Variants in FZD10 observed in about 807,000 individuals in gnomAD.
The protein encoded by FZD10 is frizzled-10.
In FZD10, 14 loss-of-function variants were observed where a neutral mutation model predicts 24.4. The ratio of observed to expected loss-of-function variants is 0.57; its 90% CI spans 0.38 to 0.90. The LOEUF (loss-of-function observed/expected upper bound fraction) is 0.90. Ranked by LOEUF, FZD10 falls within the 40% of genes least tolerant of loss-of-function variation. The probability of loss-of-function intolerance (pLI) is 0.00; values close to 1 mark genes in which losing one functional copy is unlikely to be tolerated. For missense variants in FZD10, 775 were observed against 816.6 expected, an observed-to-expected ratio of 0.95 and a Z score of 0.62; for synonymous variants, 381 against 349.1, an observed-to-expected ratio of 1.09 and a Z score of -1.02.
rs1871703306 is a variant in FZD10, at chr12:130,163,099, C to G, written c.157C>G (p.Pro53Ala). The G allele has an allele frequency of 6.2e-7, 1 of 1,612,782 alleles. No homozygotes were observed. The highest frequency in any genetic ancestry group is 1.7e-5 in the Admixed American group (1 of 59,998). ...KDIGYNMTRM[P>A]NLMGHENQRE... is the part of the protein sequence containing the mutation. ...CATCGGCTACAACATGACTCGTATG[C>G]CCAACCTGATGGGCCACGAGAACCA... is the stretch of plus-strand genomic sequence containing the variant. Residue 53 changes from proline (P) to alanine (A), a missense_variant, in exon 1 of 1, where the codon CCC (proline) becomes GCC (alanine). By Grantham distance (27) the Pro-to-Ala change is conservative. Transcript: ENST00000229030.
Position 130,163,245 on chromosome 12 carries a change from C to A in FZD10, c.303C>A (p.Thr101=), listed in dbSNP as rs758068557. The stretch of plus-strand genomic sequence containing the variant: ...CGATGTGCACCGAGCAGGTCTCTAC[C>A]CCCATCCCCGCCTGCCGGGTCATGT... ...YAPMCTEQVS[T]PIPACRVMCE... The change falls in exon 1 of 1, where the codon ACC becomes ACA. Residue 101 remains threonine (T), a synonymous_variant. Coordinates refer to ENST00000229030, the MANE Select transcript of FZD10 (RefSeq NM_007197.4). The A allele has an allele frequency of 2.5e-6, 4 of 1,613,060 alleles. No individual in the cohort carries two copies. Among genetic ancestry groups the A allele is most frequent in the Admixed American group, 3.3e-5 (2 of 60,036 alleles).
chr12:130,162,731 C>T lies in FZD10; in HGVS notation c.-212C>T. On this transcript the variant is annotated 5_prime_UTR_variant, in exon 1 of 1. Transcript: ENST00000229030. ...CTCGCTTCCCGGTATTGTTTGCAAA[C>T]TTTGCTGCTCTCCGCCGCGGCCCCC... The T allele has an allele frequency of 3.6e-6, 1 of 280,900 alleles. No individual in the cohort carries two copies. The highest frequency in any genetic ancestry group is 5.8e-5 in the East Asian group (1 of 17,106). 17.4% of individuals were successfully genotyped at this position (280,900 alleles called of 1,614,324 possible).
In FZD10 at chr12:130,164,124, C is replaced by T. The variant is rs1051664732; in HGVS notation, c.1182C>T (p.Leu394=). ...CYVGSMDVNA[L]TGFVLIPLAC... ...TGGGCAGCATGGACGTCAACGCGCTCACCGGCTTCGTGCTCATTCCCCTGG... is the reference window on the plus strand; with the variant it reads ...TGGGCAGCATGGACGTCAACGCGCTTACCGGCTTCGTGCTCATTCCCCTGG... Residue 394 remains leucine (L), a synonymous_variant, in exon 1 of 1, where the codon CTC becomes CTT. Transcript: ENST00000229030. This position sits in a 1 kb window ranked among gnomAD's most constrained non-coding sequence, Gnocchi z 5.3. 3.1e-6 allele frequency: 5 copies of T among 1,613,920 alleles called. No homozygotes were observed. Among genetic ancestry groups the T allele is most frequent in the Non-Finnish European group, 4.2e-6 (5 of 1,180,018 alleles).
Position 130,164,217 on chromosome 12 carries a change from G to A in FZD10, c.1275G>A (p.Arg425=), listed in dbSNP as rs761087108. The change falls in exon 1 of 1, where the codon AGG becomes AGA. Residue 425 remains arginine (R), a synonymous_variant. Coordinates refer to ENST00000229030, the MANE Select transcript of FZD10 (RefSeq NM_007197.4). This position sits in a 1 kb window ranked among gnomAD's most constrained non-coding sequence, Gnocchi z 5.3. ...SGFVALFHIR[R]VMKTGGENTD... is the part of the protein sequence containing the mutation. ...TCGTGGCCCTGTTCCACATCCGGAG[G>A]GTGATGAAGACGGGCGGCGAGAACA... 3.8e-5 allele frequency: 62 copies of A among 1,614,036 alleles called. No homozygotes were observed. Among genetic ancestry groups the A allele is most frequent in the Non-Finnish European group, 5.2e-5 (61 of 1,180,042 alleles).
rs1268212888 is a variant in FZD10 at position 130,165,636 on chromosome 12, G to C, written c.*948G>C. The C allele has an allele frequency of 6.0e-6, 1 of 167,050 alleles. No homozygotes were observed. The highest frequency in any genetic ancestry group is 1.5e-5 in the Non-Finnish European group (1 of 68,112). 10.3% of individuals were successfully genotyped at this position (167,050 alleles called of 1,614,324 possible). A position where few individuals can be genotyped will look rare whatever the true frequency, so the allele number is the denominator to read the frequency against. ...CTTTGTCTAGTGTATTCTCTTCACA[G>C]TGCCAGGAAAGAGTGGTTTCTGCGT... On this transcript the variant is annotated 3_prime_UTR_variant, in exon 1 of 1. Coordinates refer to ENST00000229030, the MANE Select transcript of FZD10 (RefSeq NM_007197.4).
In FZD10 at chr12:130,163,398, C is replaced by A. The variant is rs761203938; in HGVS notation, c.456C>A (p.Asn152Lys). The change falls in exon 1 of 1, where the codon AAC (asparagine) becomes AAA (lysine). Residue 152 changes from asparagine to lysine, a missense_variant. Transcript: ENST00000229030. ...DPNYLCMEAP[N>K]NGSDEPTRGS... ...ACTACCTGTGCATGGAGGCGCCCAA[C>A]AACGGCTCGGACGAGCCCACCCGGG... is the stretch of plus-strand genomic sequence containing the variant. 86 of 1,612,516 alleles carry A rather than the reference C, an allele frequency of 5.3e-5. No individual in the cohort carries two copies. The highest frequency in any genetic ancestry group is 6.7e-5 in the East Asian group (3 of 44,832).
rs749988455 is a variant in FZD10 at position 130,164,533 on chromosome 12, T to C, written c.1591T>C (p.Trp531Arg). The C allele has an allele frequency of 8.0e-5, 129 of 1,613,024 alleles. No individual in the cohort carries two copies. Among genetic ancestry groups the C allele is most frequent in the Non-Finnish European group, 1.1e-4 (126 of 1,180,006 alleles). ...TTGGACCTCCAAGACTCTGCAGTCC[T>C]GGCAGCAGGTGTGCAGCCGTAGGTT... ...WIWTSKTLQS[W>R]QQVCSRRLKK... Residue 531 changes from tryptophan to arginine, a missense_variant, in exon 1 of 1, where the codon TGG (tryptophan) becomes CGG (arginine). Coordinates refer to ENST00000229030, the MANE Select transcript of FZD10 (RefSeq NM_007197.4). This position sits in a 1 kb window ranked among gnomAD's most constrained non-coding sequence, Gnocchi z 5.3.
In FZD10 at chr12:130,163,208, C is replaced by G. The variant is rs768111324; in HGVS notation, c.266C>G (p.Ser89Trp). ...GGCCACCTCCGCTTCTTCCTGTGCT[C>G]GCTGTACGCGCCGATGTGCACCGAG... is the stretch of plus-strand genomic sequence containing the variant. The part of the protein sequence containing the change: ...CHGHLRFFLC[S>W]LYAPMCTEQV... The change falls in exon 1 of 1, where the codon TCG becomes TGG. Residue 89 changes from serine (S) to tryptophan (W), a missense_variant. Ser to Trp is a radical substitution (Grantham distance 177, BLOSUM62 -3). Transcript: ENST00000229030. The G allele has an allele frequency of 1.9e-6, 3 of 1,612,978 alleles. No individual in the cohort carries two copies. The highest frequency in any genetic ancestry group is 8.5e-7 in the Non-Finnish European group (1 of 1,179,964).
chr12:130,164,442 C>G lies in FZD10; in HGVS notation c.1500C>G (p.Ala500=). 6.2e-7 allele frequency: 1 copy of G among 1,613,832 alleles called. No individual in the cohort carries two copies. Among genetic ancestry groups the G allele is most frequent in the African/African-American group, 1.3e-5 (1 of 75,048 alleles). The change falls in exon 1 of 1, where the codon GCC becomes GCG. Residue 500 remains alanine, a synonymous_variant. Transcript: ENST00000229030. This position sits in a 1 kb window ranked among gnomAD's most constrained non-coding sequence, Gnocchi z 5.3. ...GCCTGATGGCCGCCTCCATCCCCGCCGTGGAGATCTTCATGGTGAAGATCT... is the reference window on the plus strand; with the variant it reads ...GCCTGATGGCCGCCTCCATCCCCGCGGTGGAGATCTTCATGGTGAAGATCT... ...LDCLMAASIP[A]VEIFMVKIFM... is the part of the protein sequence containing the mutation.
rs1359171312 is a variant in FZD10, at chr12:130,164,157, C to G, written c.1215C>G (p.Tyr405Ter). 6.2e-7 allele frequency: 1 copy of G among 1,613,978 alleles called. No individual in the cohort carries two copies. The highest frequency in any genetic ancestry group is 8.5e-7 in the Non-Finnish European group (1 of 1,180,046). ...TGFVLIPLAC[Y>*]LVIGTSFILS... The stretch of plus-strand genomic sequence containing the variant: ...TCGTGCTCATTCCCCTGGCCTGCTA[C>G]CTGGTCATCGGCACGTCCTTCATCC... The change falls in exon 1 of 1, where the codon TAC becomes TAG. Residue 405 changes from tyrosine to a stop codon, truncating the protein, a stop_gained. Transcript: ENST00000229030. LOFTEE classifies it high-confidence loss of function. The surrounding 1 kb of genome is among the most constrained non-coding windows in gnomAD (Gnocchi z 5.3).
Position 130,163,224 on chromosome 12 carries a change from G to A in FZD10, c.282G>A (p.Met94Ile). The stretch of plus-strand genomic sequence containing the variant: ...TCCTGTGCTCGCTGTACGCGCCGAT[G>A]TGCACCGAGCAGGTCTCTACCCCCA... ...RFFLCSLYAP[M>I]CTEQVSTPIP... The change falls in exon 1 of 1, where the codon ATG becomes ATA. Residue 94 changes from methionine (M) to isoleucine (I), a missense_variant. By Grantham distance (10) the Met-to-Ile change is conservative. Coordinates refer to ENST00000229030, the MANE Select transcript of FZD10 (RefSeq NM_007197.4). The A allele has an allele frequency of 6.2e-7, 1 of 1,613,004 alleles. No homozygotes were observed. The highest frequency in any genetic ancestry group is 8.5e-7 in the Non-Finnish European group (1 of 1,179,978).
Position 130,162,703 on chromosome 12 carries a change from T to G in FZD10, c.-240T>G, listed in dbSNP as rs1336497820. Reference sequence around the variant, plus strand: ...CGCTGCGCCGGGAGCTCCGGGGGCTTCCCTCGCTTCCCGGTATTGTTTGCA... The same window carrying G: ...CGCTGCGCCGGGAGCTCCGGGGGCTGCCCTCGCTTCCCGGTATTGTTTGCA... On this transcript the variant is annotated 5_prime_UTR_variant, in exon 1 of 1. Coordinates refer to ENST00000229030, the MANE Select transcript of FZD10 (RefSeq NM_007197.4). The G allele has an allele frequency of 4.1e-6, 1 of 243,918 alleles. No homozygotes were observed. Among genetic ancestry groups the G allele is most frequent in the Admixed American group, 5.6e-5 (1 of 17,936 alleles). 15.1% of individuals were successfully genotyped at this position (243,918 alleles called of 1,614,324 possible).
Position 130,163,472 on chromosome 12 carries a change from C to T in FZD10, c.530C>T (p.Ala177Val), listed in dbSNP as rs1201118563. The change falls in exon 1 of 1, where the codon GCG becomes GTG. Residue 177 changes from alanine (A) to valine (V), a missense_variant. By Grantham distance (64) the Ala-to-Val change is moderately conservative (BLOSUM62 0). Transcript: ENST00000229030. ...PLFRPQRPHS[A>V]QEHPLKDGGP... ...TTCCGGCCGCAGCGGCCCCACAGCG[C>T]GCAGGAGCACCCGCTGAAGGACGGG... The T allele has an allele frequency of 1.9e-6, 3 of 1,606,306 alleles. No homozygotes were observed. Among genetic ancestry groups the T allele is most frequent in the Non-Finnish European group, 2.6e-6 (3 of 1,176,246 alleles).
Position 130,162,896 on chromosome 12 carries a change from G to T in FZD10, c.-47G>T, listed in dbSNP as rs1455975206. 1.4e-5 allele frequency: 20 copies of T among 1,409,114 alleles called. No homozygotes were observed. Among genetic ancestry groups the T allele is most frequent in the Non-Finnish European group, 1.0e-5 (11 of 1,066,898 alleles). 87.3% of individuals were successfully genotyped at this position (1,409,114 alleles called of 1,614,324 possible). On this transcript the variant is annotated 5_prime_UTR_variant, in exon 1 of 1. Transcript: ENST00000229030. The stretch of plus-strand genomic sequence containing the variant: ...CAGCAGCCCGTGCCCGGGAGCGGCG[G>T]CGCTGAGGGGCGCGGAGCTCCCCGC...
At position 130,165,088 on chromosome 12, in the gene FZD10, CT is replaced by C. The variant is rs1330232435; in HGVS notation, c.*401del. 1 of 173,878 alleles carries C rather than the reference CT, an allele frequency of 5.8e-6. No individual in the cohort carries two copies. The highest frequency in any genetic ancestry group is 1.8e-4 in the East Asian group (1 of 5,408). The allele number at this position is 173,878 out of a possible 1,614,324, so 10.8% of individuals were successfully genotyped here. A position where few individuals can be genotyped will look rare whatever the true frequency, so the allele number is the denominator to read the frequency against. ...TGCTTTGCAAATTCAAGAGCCTCCC[CT>C]GGGTTAACAAATGAGCCATCCCCAG... is the stretch of plus-strand genomic sequence containing the variant. On this transcript the variant is annotated 3_prime_UTR_variant, in exon 1 of 1. Transcript: ENST00000229030.
Position 130,164,771 on chromosome 12 carries a change from C to CA in FZD10, c.*83_*84insA. On this transcript the variant is annotated 3_prime_UTR_variant, in exon 1 of 1. Transcript: ENST00000229030. The surrounding 1 kb of genome is among the most constrained non-coding windows in gnomAD (Gnocchi z 5.3). ...GGTTGTGTTTTTCTTTCTTCTTCTT[C>CA]TTTTTTTTTTTTTATAAAAGCAAAA... The CA allele has an allele frequency of 1.3e-6, 1 of 745,696 alleles. No homozygotes were observed. Among genetic ancestry groups the CA allele is most frequent in the Non-Finnish European group, 2.0e-6 (1 of 495,800 alleles). The allele number at this position is 745,696 out of a possible 1,614,324, so 46.2% of individuals were successfully genotyped here.
chr12:130,163,700 C>A lies in FZD10; in HGVS notation c.758C>A (p.Pro253Gln). Residue 253 changes from proline to glutamine, a missense_variant, in exon 1 of 1, where the codon CCG (proline) becomes CAG (glutamine). Transcript: ENST00000229030. ...ACCGTGCTCACCTTCCTCATCGACC[C>A]GGCCCGCTTCCGCTACCCCGAGCGC... ...AFTVLTFLID[P>Q]ARFRYPERPI... 1.2e-6 allele frequency: 2 copies of A among 1,613,810 alleles called. No individual in the cohort carries two copies. Among genetic ancestry groups the A allele is most frequent in the Non-Finnish European group, 1.7e-6 (2 of 1,180,040 alleles).
Position 130,163,207 on chromosome 12 carries a change from T to G in FZD10, c.265T>G (p.Ser89Ala). The stretch of plus-strand genomic sequence containing the variant: ...CGGCCACCTCCGCTTCTTCCTGTGC[T>G]CGCTGTACGCGCCGATGTGCACCGA... ...CHGHLRFFLC[S>A]LYAPMCTEQV... Residue 89 changes from serine to alanine, a missense_variant, in exon 1 of 1, where the codon TCG becomes GCG. Ser to Ala is a moderately conservative substitution (Grantham distance 99). Transcript: ENST00000229030. The G allele has an allele frequency of 6.2e-7, 1 of 1,612,898 alleles. No homozygotes were observed. The highest frequency in any genetic ancestry group is 1.6e-4 in the Middle Eastern group (1 of 6,062).
chr12:130,164,118 C>A lies in FZD10; in HGVS notation c.1176C>A (p.Asn392Lys), dbSNP rs145130520. Reference protein sequence around the residue: ...GVCYVGSMDVNALTGFVLIPL... With the variant: ...GVCYVGSMDVKALTGFVLIPL... ...GCTACGTGGGCAGCATGGACGTCAA[C>A]GCGCTCACCGGCTTCGTGCTCATTC... The change falls in exon 1 of 1, where the codon AAC (asparagine) becomes AAA (lysine). Residue 392 changes from asparagine (N) to lysine (K), a missense_variant. By Grantham distance (94) the Asn-to-Lys change is moderately conservative. Transcript: ENST00000229030. The surrounding 1 kb of genome is among the most constrained non-coding windows in gnomAD (Gnocchi z 5.3). 1 of 1,613,710 alleles carries A rather than the reference C, an allele frequency of 6.2e-7. No individual in the cohort carries two copies. Among genetic ancestry groups the A allele is most frequent in the African/African-American group, 1.3e-5 (1 of 74,930 alleles).
Sources: gnomAD v4.1 joint callset for allele counts on GRCh38, gnomAD v4.1.1 for gene constraint, Gnocchi (gnomAD v3.1) non-coding constraint, MANE v1.5 for transcripts, NCBI Gene and HGNC (gene_info 2026-07-23, HGNC 2026-07-21) for gene names.